CADPS2: variants seen among roughly 807,000 people sequenced by gnomAD.
CADPS2 encodes the protein calcium dependent secretion activator 2.
Under a neutral mutation model 172.5 loss-of-function variants are expected in CADPS2, and 93 were observed. That is an observed-to-expected ratio of 0.54 (90% CI 0.46 to 0.64). CADPS2 has a LOEUF of 0.64. Among genes scored for constraint, CADPS2 ranks in the 30% least tolerant of loss-of-function variants. The probability of loss-of-function intolerance (pLI) is 0.00; values close to 1 mark genes in which losing one functional copy is unlikely to be tolerated. For missense variants in CADPS2, 1,420 were observed against 1,565.9 expected, an observed-to-expected ratio of 0.91 and a Z score of 1.57; for synonymous variants, 546 against 555.2, an observed-to-expected ratio of 0.98 and a Z score of 0.23.
intron 5 of CADPS2, among the ~76,000 whole-genome samples, chr7:122,617,419 A>C (rs1036613117): frequency 5.3e-5 from 8 of 152,240 alleles, no homozygotes; most frequent in Admixed American, 5.2e-4. Flanking sequence ...TAAGTGTTTC[A>C]ATTCCCAGCA....
chr7:122,367,710 A>ATTT (rs57790964), intron 25 of CADPS2, among the ~76,000 whole-genome samples: 31 of 60,150 alleles, frequency 5.2e-4, no homozygotes, highest in African/African-American at 2.2e-3. Context: ...TGCCCAGCTA[A>ATTT]TTTTTTTTTT....
At chr7:122,876,051 T>C (rs1821120607) in intron 1 of CADPS2, among the ~76,000 whole-genome samples, 1 of 152,122 alleles carries the variant, frequency 6.6e-6, no homozygotes, top group African/African-American at 2.4e-5. Context: ...CCAGGTACAG[T>C]GGCTCATGCC....
At chr7:122,603,460 G>GAA (rs11451995) in intron 6 of CADPS2, among the ~76,000 whole-genome samples, 7,726 of 147,938 alleles carry the variant, frequency 0.052, 209 homozygotes, top group South Asian at 0.077. Context: ...TACATGAGCA[G>GAA]AAAAAAAAAA....
chr7:122,482,504 A>T (rs982768928), intron 11 of CADPS2, among the ~76,000 whole-genome samples: 8 of 152,218 alleles, frequency 5.3e-5, no homozygotes, highest in Non-Finnish European at 1.0e-4. Flanking sequence ...TTTAACTTAC[A>T]AAAAATTCTG....
intron 1 of CADPS2, among the ~76,000 whole-genome samples, chr7:122,825,178 C>T (rs1804521385): frequency 6.6e-6 from 1 of 152,170 alleles, no homozygotes; most frequent in Non-Finnish European, 1.5e-5. Flanking sequence ...AAAGTCTCCA[C>T]AATTAAAAAT....
intron 4 of CADPS2, among the ~76,000 whole-genome samples, chr7:122,625,200 G>A (rs1200049044): frequency 2.6e-5 from 4 of 151,996 alleles, no homozygotes; most frequent in East Asian, 1.9e-4. Flanking sequence ...ACAGGCAGGC[G>A]CCACCACGCC....
chr7:122,573,395 C>G (rs2067534840), intron 7 of CADPS2, among the ~76,000 whole-genome samples: 1 of 151,954 alleles, frequency 6.6e-6, no homozygotes, highest in African/African-American at 2.4e-5. Flanking sequence ...AAAAAATTGG[C>G]TGGGCATAGT....
chr7:122,571,493 T>G (rs1042994851), intron 7 of CADPS2, among the ~76,000 whole-genome samples: 1 of 152,052 alleles, frequency 6.6e-6, no homozygotes. Flanking sequence ...AAGAAATACT[T>G]TCCTCTACCT....
intron 1 of CADPS2, among the ~76,000 whole-genome samples, chr7:122,762,015 T>A (rs199542036): frequency 0.078 from 3,396 of 43,616 alleles, 106 homozygotes; most frequent in East Asian, 0.14. Flanking sequence ...AAAAAAAAAA[T>A]ATATATATAT....
chr7:122,684,598 T>G (rs1258472492), intron 2 of CADPS2, among the ~76,000 whole-genome samples: 2 of 152,154 alleles, frequency 1.3e-5, no homozygotes. Context: ...TATAAAATAT[T>G]CCACAATGGA....
chr7:122,844,951 T>C (rs1294673015), intron 1 of CADPS2, among the ~76,000 whole-genome samples: 1 of 152,192 alleles, frequency 6.6e-6, no homozygotes, highest in South Asian at 2.1e-4. Flanking sequence ...TTTGCATTTT[T>C]CCCCCTAGTT....
At chr7:122,834,812 C>T (rs1807813428) in intron 1 of CADPS2, among the ~76,000 whole-genome samples, 3 of 152,140 alleles carry the variant, frequency 2.0e-5, no homozygotes, top group Admixed American at 6.5e-5. Context: ...TGGAGCCCAC[C>T]GCAGCTCAAG....
rs1020695481 is a variant in CADPS2 at position 122,666,667 on chromosome 7, G to A, written c.454-3098C>T. 5.3e-5 allele frequency among the ~76,000 whole-genome samples: 8 copies of A among 152,124 alleles called. No individual in the cohort carries two copies. In the East Asian group the frequency reaches 9.7e-4, roughly 18 times the overall value. On this transcript the variant is annotated intron_variant, in intron 2 of 29. Transcript: ENST00000449022. ...AGCTAACACAATTTTAAGCAACATC[G>A]GTAGAGGCTGCCGGAGGACGTACAC...
At chr7:122,350,184 A>G (rs776429068) in intron 27 of CADPS2, among the ~76,000 whole-genome samples, 1 of 152,170 alleles carries the variant, frequency 6.6e-6, no homozygotes, top group South Asian at 2.1e-4. Context: ...ATTCATTACC[A>G]TTTGAGAAAA....
At chr7:122,800,203 T>C (rs1043951176) in intron 1 of CADPS2, among the ~76,000 whole-genome samples, 1 of 152,246 alleles carries the variant, frequency 6.6e-6, no homozygotes, top group Non-Finnish European at 1.5e-5. Flanking sequence ...GTTTTATTCC[T>C]ACTCAACATT....
chr7:122,554,575 T>C lies in CADPS2; in HGVS notation c.1450A>G (p.Lys484Glu). Reference protein sequence around the residue: ...LKIKLAVRMDKPAHMKHSGYL... With the variant: ...LKIKLAVRMDEPAHMKHSGYL... ...CCACTATGCTTCATATGTGCTGGTT[T>C]ATCCATTCGCACTGCCAGTTTGATT... The change falls in exon 8 of 30, where the codon AAA becomes GAA. Residue 484 changes from lysine (K) to glutamate (E), a missense_variant. By Grantham distance (56) the Lys-to-Glu change is moderately conservative (BLOSUM62 1). Transcript: ENST00000449022. 1 of 1,610,420 alleles carries C rather than the reference T, an allele frequency of 6.2e-7. No individual in the cohort carries two copies. Among genetic ancestry groups the C allele is most frequent in the African/African-American group, 1.3e-5 (1 of 74,836 alleles).
At chr7:122,796,579 ATCT>A (rs1242189188) in intron 1 of CADPS2, among the ~76,000 whole-genome samples, 12 of 152,286 alleles carry the variant, frequency 7.9e-5, no homozygotes, top group African/African-American at 2.9e-4. Context: ...CAACTATCAG[ATCT>A]TCAACAAACC....
At chr7:122,339,185 C>T (rs920155924) in intron 28 of CADPS2, among the ~76,000 whole-genome samples, 2 of 152,156 alleles carry the variant, frequency 1.3e-5, no homozygotes, top group Non-Finnish European at 2.9e-5. Context: ...CACAAAGAAA[C>T]TGGCTCAAAT....
chr7:122,721,485 G>C (rs1292701093), intron 2 of CADPS2, among the ~76,000 whole-genome samples: 2 of 151,870 alleles, frequency 1.3e-5, no homozygotes, highest in African/African-American at 4.8e-5. Flanking sequence ...CAAGACTAAA[G>C]CAGGAAGAAG....
Sources: gnomAD v4.1 joint callset for allele counts (sites outside exome capture counted in the v4.1 genomes callset) on GRCh38, gnomAD v4.1.1 for gene constraint, MANE v1.5 for transcripts, NCBI Gene and HGNC (gene_info 2026-07-23, HGNC 2026-07-21) for gene names.